Variants in EBF3 observed in about 807,000 individuals in gnomAD.
EBF3 encodes EBF transcription factor 3, also known as transcription factor COE3.
In EBF3, 18 loss-of-function variants were observed where a neutral mutation model predicts 77.1. That is an observed-to-expected ratio of 0.23 (90% CI 0.16 to 0.35). The LOEUF (loss-of-function observed/expected upper bound fraction) is 0.35. Among genes scored for constraint, EBF3 ranks in the 10% least tolerant of loss-of-function variants. EBF3 has a pLI of 1.00. For missense variants in EBF3, 558 were observed against 860.0 expected (o/e 0.65, Z 4.39); for synonymous variants, 350 against 343.5 (o/e 1.02, Z -0.21).
rs866404604 is a variant in EBF3 at position 129,952,412 on chromosome 10, A to G, written c.554+4846T>C. ...GATGTGTAATTAATATTATTTTTAAAATCCTCCTTGACAGGCCGGGGCTTA... is the reference window on the plus strand; with the variant it reads ...GATGTGTAATTAATATTATTTTTAAGATCCTCCTTGACAGGCCGGGGCTTA... On this transcript the variant is annotated intron_variant, in intron 6 of 16. Coordinates refer to ENST00000440978, the MANE Select transcript of EBF3 (RefSeq NM_001375380.1). The surrounding 1 kb of genome is among the most constrained non-coding windows in gnomAD (Gnocchi z 4.7). Among the ~76,000 whole-genome samples the G allele has an allele frequency of 6.6e-6, 1 of 152,240 alleles. No homozygotes were observed. Among genetic ancestry groups the G allele is most frequent in the Admixed American group, 6.5e-5 (1 of 15,284 alleles).
intron 6 of EBF3, among the ~76,000 whole-genome samples, chr10:129,925,895 C>T (rs562125932): frequency 6.6e-5 from 10 of 152,252 alleles, no homozygotes; most frequent in African/African-American, 2.4e-4. Flanking sequence ...GAATCCAGGA[C>T]AGTTAGGAAA....
intron 6 of EBF3, among the ~76,000 whole-genome samples, chr10:129,915,556 G>A (rs1056794076): frequency 8.6e-5 from 13 of 152,046 alleles, no homozygotes; most frequent in African/African-American, 1.2e-4. Context: ...CCATTCTTGC[G>A]GGGTGTGACG....
intron 6 of EBF3, among the ~76,000 whole-genome samples, chr10:129,953,866 GGT>G (rs1020583439): frequency 2.6e-5 from 4 of 152,190 alleles, no homozygotes; most frequent in African/African-American, 9.6e-5. Flanking sequence ...GCCAGAGTGT[GGT>G]GTTGGCTTAG....
chr10:129,945,390 G>C (rs897034192), intron 6 of EBF3, among the ~76,000 whole-genome samples: 5 of 152,148 alleles, frequency 3.3e-5, no homozygotes, highest in Non-Finnish European at 7.4e-5. Context: ...GATCATTCAG[G>C]CCCGTTTAAA....
chr10:129,844,623 G>A (rs771931172), intron 11 of EBF3, among the ~76,000 whole-genome samples: 1 of 152,026 alleles, frequency 6.6e-6, no homozygotes, highest in Non-Finnish European at 1.5e-5. Context: ...TAATCACTAC[G>A]GGCATCACTT....
chr10:129,876,900 C>CAA (rs1491065355), intron 7 of EBF3, among the ~76,000 whole-genome samples: 5 of 99,334 alleles, frequency 5.0e-5, no homozygotes, highest in South Asian at 4.8e-4. Context: ...CCCCCCCCCC[C>CAA]CACCCAGCTA....
In EBF3 at chr10:129,944,227, T is replaced by C. The variant is rs1858008050; in HGVS notation, c.554+13031A>G. The stretch of plus-strand genomic sequence containing the variant: ...ATCCAGTTACAATAACATTAAAATA[T>C]ATTGTTTATTTGCGGGTGGGGTCAT... On this transcript the variant is annotated intron_variant, in intron 6 of 16. Coordinates refer to ENST00000440978, the MANE Select transcript of EBF3 (RefSeq NM_001375380.1). The surrounding 1 kb of genome is among the most constrained non-coding windows in gnomAD (Gnocchi z 5.1). Among the ~76,000 whole-genome samples, 1 of 152,228 alleles carries C rather than the reference T, an allele frequency of 6.6e-6. No homozygotes were observed. Among genetic ancestry groups the C allele is most frequent in the Admixed American group, 6.5e-5 (1 of 15,290 alleles).
At position 129,879,481 on chromosome 10, in the gene EBF3, GC is replaced by G. The variant is rs975749443; in HGVS notation, c.555-1633del. 6.6e-6 allele frequency among the ~76,000 whole-genome samples: 1 copy of G among 151,996 alleles called. No homozygotes were observed. The highest frequency in any genetic ancestry group is 2.1e-4 in the South Asian group (1 of 4,810). ...TCAACGGACCAAGACTCATCTAAGT[GC>G]CCCCCCAGCATATCCTGGATGACTT... On this transcript the variant is annotated intron_variant, in intron 6 of 16. Coordinates refer to ENST00000440978, the MANE Select transcript of EBF3 (RefSeq NM_001375380.1). This position sits in a 1 kb window ranked among gnomAD's most constrained non-coding sequence, Gnocchi z 4.7.
intron 6 of EBF3, among the ~76,000 whole-genome samples, chr10:129,917,675 A>C (rs998343554): frequency 6.7e-6 from 1 of 150,272 alleles, no homozygotes; most frequent in African/African-American, 2.4e-5. Context: ...AAAAAAAAAA[A>C]AAAACTAAAA....
chr10:129,853,226 G>A (rs756545711), intron 10 of EBF3, among the ~76,000 whole-genome samples: 18 of 152,194 alleles, frequency 1.2e-4, no homozygotes, highest in African/African-American at 1.9e-4. Context: ...GAAGTGAGAC[G>A]CTTTTAGCAT....
intron 6 of EBF3, among the ~76,000 whole-genome samples, chr10:129,883,565 T>C (rs1264279745): frequency 6.6e-6 from 1 of 152,158 alleles, no homozygotes; most frequent in Admixed American, 6.5e-5. Context: ...AGTGTTCGTG[T>C]GTGAATCATG....
At position 129,840,409 on chromosome 10, in the gene EBF3, G is replaced by A. The variant is rs749702381; in HGVS notation, c.1595C>T (p.Ser532Leu). 5.2e-6 allele frequency: 8 copies of A among 1,551,974 alleles called. No homozygotes were observed. The highest frequency in any genetic ancestry group is 1.2e-5 in the South Asian group (1 of 84,108). The change falls in exon 15 of 17, where the codon TCG becomes TTG. Residue 532 changes from serine (S) to leucine (L), a missense_variant. This residue lies in a region of EBF3 where 284 missense variants were observed against 368.3 expected (regional missense o/e 0.77). Transcript: ENST00000440978. ...VPSSPTMAAS[S>L]VTLPSNCSST... The stretch of plus-strand genomic sequence containing the variant: ...GCTACAGTTTGAAGGGAGGGTGACC[G>A]AAGAGGCTGCCATGGTGGGGCTGGA...
chr10:129,850,032 G>A (rs367656018), intron 10 of EBF3, among the ~76,000 whole-genome samples: 1 of 152,270 alleles, frequency 6.6e-6, no homozygotes, highest in East Asian at 1.9e-4. Context: ...AGTTCGGGCC[G>A]CGGGGCGCGT....
intron 6 of EBF3, among the ~76,000 whole-genome samples, chr10:129,939,832 G>A (rs565012139): frequency 5.0e-4 from 76 of 152,338 alleles, no homozygotes; most frequent in African/African-American, 1.7e-3. Context: ...AAATGGAACC[G>A]ACCTTACGGT....
At position 129,837,430 on chromosome 10, in the gene EBF3, G is replaced by A. The variant is rs1421308383; in HGVS notation, c.*513C>T. On this transcript the variant is annotated 3_prime_UTR_variant, in exon 17 of 17. Transcript: ENST00000440978. ...AGTCATCCTTTTTTCCAGTCTGATG[G>A]CTCATACCTCCTTGGCCCTCTTTTT... 6.5e-6 allele frequency: 1 copy of A among 154,828 alleles called. No homozygotes were observed. The highest frequency in any genetic ancestry group is 1.4e-5 in the Non-Finnish European group (1 of 69,760). The allele number at this position is 154,828 out of a possible 1,614,324, so 9.6% of individuals were successfully genotyped here. A position where few individuals can be genotyped will look rare whatever the true frequency, so the allele number is the denominator to read the frequency against.
rs531984286 is a variant in EBF3, at chr10:129,863,665, G to A, written c.1039+3476C>T. Among the ~76,000 whole-genome samples, 33 of 152,324 alleles carry A rather than the reference G, an allele frequency of 2.2e-4. No individual in the cohort carries two copies. Among genetic ancestry groups the A allele is most frequent in the African/African-American group, 7.9e-4 (33 of 41,584 alleles). ...ACGCCCAGGGGACGGTGCCTACGTC[G>A]TGACATGCAAAGGGGCTGGCTCAGT... On this transcript the variant is annotated intron_variant, in intron 10 of 16. Transcript: ENST00000440978. This position sits in a 1 kb window ranked among gnomAD's most constrained non-coding sequence, Gnocchi z 4.0.
At position 129,885,488 on chromosome 10, in the gene EBF3, A is replaced by G. The variant is rs996113696; in HGVS notation, c.555-7639T>C. 6.6e-5 allele frequency among the ~76,000 whole-genome samples: 10 copies of G among 152,214 alleles called. No homozygotes were observed. Among genetic ancestry groups the G allele is most frequent in the African/African-American group, 2.4e-4 (10 of 41,464 alleles). On this transcript the variant is annotated intron_variant, in intron 6 of 16. Transcript: ENST00000440978. This position sits in a 1 kb window ranked among gnomAD's most constrained non-coding sequence, Gnocchi z 4.0. The stretch of plus-strand genomic sequence containing the variant: ...ATTTCATGATAGTTTTGATAAGGTT[A>G]TCTGTTTCAAAGAAGTCAACTGCAC...
chr10:129,874,993 T>C (rs1024733058), intron 7 of EBF3, among the ~76,000 whole-genome samples: 1 of 152,030 alleles, frequency 6.6e-6, no homozygotes, highest in African/African-American at 2.4e-5. Flanking sequence ...CCTAAACTTC[T>C]CTAAGAAAAA....
intron 16 of EBF3, among the ~76,000 whole-genome samples, chr10:129,838,350 G>C (rs1590021742): frequency 6.6e-6 from 1 of 152,374 alleles, no homozygotes; most frequent in South Asian, 2.1e-4. Flanking sequence ...ACCCAGCCTG[G>C]TCACTCCCGT....
Sources: allele counts gnomAD v4.1 joint callset (sites outside exome capture counted in the v4.1 genomes callset), GRCh38; gene constraint gnomAD v4.1.1; regional missense constraint gnomAD v4.1.1; non-coding constraint Gnocchi (gnomAD v3.1); transcripts MANE v1.5; gene names NCBI Gene and HGNC (gene_info 2026-07-23, HGNC 2026-07-21).